Variants in SUPT16H observed in about 807,000 individuals in gnomAD.
SUPT16H encodes FACT complex subunit SPT16.
A neutral mutation model predicts 136.2 loss-of-function variants in SUPT16H; 24 were observed. The observed-to-expected ratio is 0.18, with a 90% CI of 0.13 to 0.25. The LOEUF is 0.25. Ranked by LOEUF, SUPT16H falls within the 10% of genes least tolerant of loss-of-function variation. The pLI, the probability that SUPT16H is intolerant of heterozygous loss-of-function variation, is 1.00. For missense variants in SUPT16H, 623 were observed against 1,270.2 expected (o/e 0.49, Z 7.74); for synonymous variants, 415 against 428.2 (o/e 0.97, Z 0.38).
At position 21,377,548 on chromosome 14, in the gene SUPT16H, G is replaced by A. The variant is rs57207332; in HGVS notation, c.67-4118C>T. Among the ~76,000 whole-genome samples the A allele has an allele frequency of 4.7e-3, 722 of 152,058 alleles. 7 individuals carry two copies. Among genetic ancestry groups the A allele is most frequent in the African/African-American group, 0.017 (688 of 41,478 alleles). On this transcript the variant is annotated intron_variant, in intron 1 of 25. Transcript: ENST00000216297. The stretch of plus-strand genomic sequence containing the variant: ...AAACTAGCACTTTAAGACATGCAAG[G>A]GCTGAAGACATTTATATTCTATGCA...
intron 8 of SUPT16H, 128 bp from the exon 9 acceptor site, chr14:21,365,271 C>A (rs767403413): frequency 2.4e-6 from 2 of 831,940 alleles, no homozygotes; most frequent in Non-Finnish European, 3.8e-6. Flanking sequence ...CCCTGCTGAC[C>A]GCTCAGTTAG....
chr14:21,362,706 A>G, intron 14 of SUPT16H, 88 bp downstream of exon 14: 2 of 1,437,128 alleles, frequency 1.4e-6, no homozygotes, highest in Non-Finnish European at 1.9e-6. Context: ...AAAGTGGGAG[A>G]CATGATGAAT....
Position 21,353,158 on chromosome 14 carries a change from G to A in SUPT16H, c.2998+330C>T, listed in dbSNP as rs149356948. Among the ~76,000 whole-genome samples, 261 of 152,284 alleles carry A rather than the reference G, an allele frequency of 1.7e-3. 1 individual carries two copies. Among genetic ancestry groups the A allele is most frequent in the Middle Eastern group, 0.01 (3 of 294 alleles). On this transcript the variant is annotated intron_variant, in intron 25 of 25. Transcript: ENST00000216297. ...CCTGGAAGAAGCCTAGAAAATTAAAGTATTATAGGATTTAGGTTTGGAAAC... is the reference window on the plus strand; with the variant it reads ...CCTGGAAGAAGCCTAGAAAATTAAAATATTATAGGATTTAGGTTTGGAAAC...
At chr14:21,370,781 A>AT (rs113154650) in intron 3 of SUPT16H, among the ~76,000 whole-genome samples, 196 of 139,370 alleles carry the variant, frequency 1.4e-3, no homozygotes, top group Middle Eastern at 4.0e-3. Flanking sequence ...GCCTGGATAA[A>AT]TTTTTTTTTT....
chr14:21,370,259 TG>T, intron 4 of SUPT16H, 76 bp downstream of exon 4: 2 of 1,521,992 alleles, frequency 1.3e-6, no homozygotes, highest in Non-Finnish European at 1.8e-6. Context: ...ACAAACGTCC[TG>T]CACTATCTGT....
rs749055644 is a variant in SUPT16H, at chr14:21,369,918, T to C, written c.484-22A>G. On this transcript the variant is annotated intron_variant, in intron 4 of 25. Transcript: ENST00000216297. ...CTATCTGCAGTCAAAGTGACAAGAG[T>C]TTCTAACATGCAAGTACAGAATTAC... is the stretch of plus-strand genomic sequence containing the variant. 1.7e-5 allele frequency: 27 copies of C among 1,610,664 alleles called. No individual in the cohort carries two copies. The Admixed American group carries it at 4.5e-4, about 27-fold the overall frequency.
chr14:21,362,339 A>G lies in SUPT16H; in HGVS notation c.1666-15T>C. On this transcript the variant is annotated splice_polypyrimidine_tract_variant and intron_variant, in intron 14 of 25. Coordinates refer to ENST00000216297, the MANE Select transcript of SUPT16H (RefSeq NM_007192.4). ...ATACTTATATTCTGTTCAAAGGAAA[A>G]GCATAAAAAGTAAACAGATTTCTTT... 6.2e-7 allele frequency: 1 copy of G among 1,602,022 alleles called. No homozygotes were observed. The highest frequency in any genetic ancestry group is 8.5e-7 in the Non-Finnish European group (1 of 1,175,828).
At position 21,367,768 on chromosome 14, in the gene SUPT16H, C is replaced by T. The variant is rs568189271; in HGVS notation, c.955+501G>A. ...AGGTTTCTATAAACATCAATGTAAA[C>T]CACAATGATCACTCATGCTTGAAAG... On this transcript the variant is annotated intron_variant, in intron 7 of 25. Coordinates refer to ENST00000216297, the MANE Select transcript of SUPT16H (RefSeq NM_007192.4). Among the ~76,000 whole-genome samples the T allele has an allele frequency of 7.9e-5, 12 of 152,326 alleles. No homozygotes were observed. In the South Asian group the frequency reaches 1.0e-3, roughly 13 times the overall value.
chr14:21,365,793 CAA>C (rs57467633), intron 8 of SUPT16H, among the ~76,000 whole-genome samples: 2 of 150,400 alleles, frequency 1.3e-5, no homozygotes, highest in East Asian at 1.9e-4. Flanking sequence ...AAAACCAAAA[CAA>C]AAAAAAACCC....
chr14:21,371,338 A>G (rs1334424337), intron 3 of SUPT16H, among the ~76,000 whole-genome samples: 2 of 152,110 alleles, frequency 1.3e-5, no homozygotes, highest in Admixed American at 1.3e-4. Flanking sequence ...GGCTGGTCTC[A>G]AACACCTGGG....
Position 21,361,162 on chromosome 14 carries a change from G to A in SUPT16H, c.1845C>T (p.Ala615=). 1.2e-6 allele frequency: 2 copies of A among 1,614,098 alleles called. No homozygotes were observed. Among genetic ancestry groups the A allele is most frequent in the Non-Finnish European group, 1.7e-6 (2 of 1,180,020 alleles). ...IKAPGEQTVP[A]LNLQNAFRII... is the part of the protein sequence containing the mutation. ...TTCGGAAAGCATTCTGAAGGTTCAAGGCTGGTACTGTCTGTTCTCCGGGTG... is the reference window on the plus strand; with the variant it reads ...TTCGGAAAGCATTCTGAAGGTTCAAAGCTGGTACTGTCTGTTCTCCGGGTG... Residue 615 remains alanine, a synonymous_variant, in exon 16 of 26, where the codon GCC becomes GCT. Coordinates refer to ENST00000216297, the MANE Select transcript of SUPT16H (RefSeq NM_007192.4).
chr14:21,362,501 CTCTG>C (rs1240441714), intron 14 of SUPT16H, among the ~76,000 whole-genome samples, 177 bp from the exon 15 acceptor site: 4 of 152,144 alleles, frequency 2.6e-5, no homozygotes, highest in Non-Finnish European at 5.9e-5. Context: ...CCAAAAAAAT[CTCTG>C]AATTCTCAAA....
At position 21,378,189 on chromosome 14, in the gene SUPT16H, A is replaced by AGGTT. The variant is rs1377784833; in HGVS notation, c.67-4763_67-4760dup. ...ATGTGGGGGGTGGAAGTGGGGAGTG[A>AGGTT]GGTTGCTCTTAAGAAACAGAAGAAA... On this transcript the variant is annotated intron_variant, in intron 1 of 25. Coordinates refer to ENST00000216297, the MANE Select transcript of SUPT16H (RefSeq NM_007192.4). Among the ~76,000 whole-genome samples, 11 of 152,204 alleles carry AGGTT rather than the reference A, an allele frequency of 7.2e-5. No individual in the cohort carries two copies. In the South Asian group the frequency reaches 2.1e-3, roughly 29 times the overall value.
chr14:21,367,006 T>A (rs1462282587), intron 7 of SUPT16H, among the ~76,000 whole-genome samples: 1 of 152,152 alleles, frequency 6.6e-6, no homozygotes, highest in Non-Finnish European at 1.5e-5. Context: ...AGTGGCGTGA[T>A]CCTACTTCAC....
intron 19 of SUPT16H, among the ~76,000 whole-genome samples, chr14:21,358,673 A>T (rs1304597864): frequency 2.0e-5 from 3 of 152,198 alleles, no homozygotes; most frequent in Admixed American, 6.5e-5. Flanking sequence ...ACATGTACAT[A>T]CACCTTTAAT....
chr14:21,362,154 C>A, intron 15 of SUPT16H, 43 bp downstream of exon 15: 1 of 1,597,494 alleles, frequency 6.3e-7, no homozygotes, highest in Non-Finnish European at 8.5e-7. Flanking sequence ...GAGTACCACT[C>A]CAGACAAGAT....
chr14:21,354,616 G>C (rs1594296140), intron 22 of SUPT16H, 76 bp from the exon 23 acceptor site: 2 of 1,557,920 alleles, frequency 1.3e-6, no homozygotes, highest in Non-Finnish European at 1.7e-6. Flanking sequence ...TTTTGAGACA[G>C]AGTCTTGCTC....
chr14:21,360,570 T>C, intron 17 of SUPT16H, 37 bp from the exon 18 acceptor site: 1 of 1,571,022 alleles, frequency 6.4e-7, no homozygotes, highest in East Asian at 2.2e-5. Flanking sequence ...AGCAGTATAA[T>C]TAAGTTAGGC....
intron 8 of SUPT16H, 103 bp downstream of exon 8, chr14:21,366,336 T>C: frequency 9.2e-7 from 1 of 1,084,208 alleles, no homozygotes; most frequent in Non-Finnish European, 1.4e-6. Flanking sequence ...TGCTAGTCCA[T>C]AAATGTTGGC....
Sources: gnomAD v4.1 joint callset for allele counts (sites outside exome capture counted in the v4.1 genomes callset) on GRCh38, gnomAD v4.1.1 for gene constraint, MANE v1.5 for transcripts, NCBI Gene and HGNC (gene_info 2026-07-23, HGNC 2026-07-21) for gene names.